ELOB: variants seen among roughly 807,000 people sequenced by gnomAD.
ELOB encodes elongin B.
Under a neutral mutation model 12.9 loss-of-function variants are expected in ELOB, and 3 were observed. The ratio of observed to expected loss-of-function variants is 0.23; its 90% CI spans 0.11 to 0.60. The LOEUF is 0.60. ELOB is among the 20% of genes least tolerant of loss of function. The pLI is 0.89. For synonymous variants in ELOB, 84 were observed against 67.4 expected (o/e 1.25, Z -1.21); for missense variants, 126 against 159.2 (o/e 0.79, Z 1.12).
At position 2,771,855 on chromosome 16, in the gene ELOB, G is replaced by A. The variant is rs909812403; in HGVS notation, c.*135C>T. On this transcript the variant is annotated 3_prime_UTR_variant, in exon 4 of 4. Transcript: ENST00000409906. ...GGATCTGGGAGACAGGACAGCACAG[G>A]AACTGCCAAGCACAAGCCCCAAAAG... 6 of 1,461,228 alleles carry A rather than the reference G, an allele frequency of 4.1e-6. No individual in the cohort carries two copies. The African/African-American group carries it at 4.3e-5, about 10-fold the overall frequency. 90.5% of individuals were successfully genotyped at this position (1,461,228 alleles called of 1,614,324 possible).
In ELOB at chr16:2,771,427, TGTTTATTAAAG is replaced by T; in HGVS notation, c.*552_*562del. On this transcript the variant is annotated 3_prime_UTR_variant, in exon 4 of 4. Coordinates refer to ENST00000409906, the MANE Select transcript of ELOB (RefSeq NM_007108.4). ...AAATGCAGGAACTGGGTCTGTAGAC[TGTTTATTAAAG>T]GTGTGTTAAGGGGGCAGCCACTTCC... The T allele has an allele frequency of 3.1e-6, 5 of 1,613,728 alleles. No individual in the cohort carries two copies. The highest frequency in any genetic ancestry group is 3.4e-6 in the Non-Finnish European group (4 of 1,179,678).
At position 2,777,107 on chromosome 16, in the gene ELOB, C is replaced by G; in HGVS notation, c.24G>C (p.Arg8=). The stretch of plus-strand genomic sequence containing the variant: ...CCGTGAAGATGGTGGTCTTGTGGCG[C>G]CGGATCATGAGGAACACGTCCTGGG... MDVFLMI[R]RHKTTIFTDA... is the part of the protein sequence containing the mutation. The change falls in exon 2 of 4, where the codon CGG becomes CGC. Residue 8 remains arginine, a synonymous_variant. Transcript: ENST00000409906. 6.3e-7 allele frequency: 1 copy of G among 1,589,942 alleles called. No homozygotes were observed. Among genetic ancestry groups the G allele is most frequent in the Non-Finnish European group, 8.5e-7 (1 of 1,170,136 alleles).
At chr16:2,773,265 C>T (rs3112685) in intron 3 of ELOB, among the ~76,000 whole-genome samples, 151,381 of 152,078 alleles carry the variant, frequency 1, 75,361 homozygotes, top group Middle Eastern at 1. Context: ...GGTGGGGTGC[C>T]CCAGCGCTAT....
intron 3 of ELOB, among the ~76,000 whole-genome samples, chr16:2,774,737 C>T (rs929280488): frequency 7.2e-5 from 11 of 152,170 alleles, no homozygotes; most frequent in African/African-American, 2.7e-4. Flanking sequence ...TTTTAAATCT[C>T]CCCTCCCTTT....
chr16:2,776,903 C>G (rs1567258081), intron 2 of ELOB, 90 bp downstream of exon 2: 1 of 1,446,756 alleles, frequency 6.9e-7, no homozygotes, highest in Non-Finnish European at 9.2e-7. Flanking sequence ...GCGTCGCCGG[C>G]CGCTACTGTT....
At chr16:2,773,010 C>T (rs1163479267) in intron 3 of ELOB, among the ~76,000 whole-genome samples, 1 of 152,228 alleles carries the variant, frequency 6.6e-6, no homozygotes, top group Non-Finnish European at 1.5e-5. Flanking sequence ...CATCCTGACA[C>T]TCTGGGCGTA....
chr16:2,775,013 C>T (rs1237398790), intron 3 of ELOB, among the ~76,000 whole-genome samples: 5 of 152,168 alleles, frequency 3.3e-5, no homozygotes, highest in Non-Finnish European at 5.9e-5. Context: ...TGTCTGACTC[C>T]AGCAAGGGCC....
In ELOB at chr16:2,771,582, TC is replaced by T; in HGVS notation, c.*407del. 6.2e-7 allele frequency: 1 copy of T among 1,614,028 alleles called. No homozygotes were observed. Among genetic ancestry groups the T allele is most frequent in the Non-Finnish European group, 8.5e-7 (1 of 1,179,996 alleles). On this transcript the variant is annotated 3_prime_UTR_variant, in exon 4 of 4. Transcript: ENST00000409906. ...CAGCTTGTGTTTCTGCTCTTGGCCA[TC>T]GTCTGGGAGTGGACATGCAGGCTAT...
intron 3 of ELOB, among the ~76,000 whole-genome samples, chr16:2,774,990 G>A (rs74788235): frequency 8.4e-4 from 128 of 152,248 alleles, no homozygotes; most frequent in African/African-American, 3.0e-3. Context: ...ACATAGCATA[G>A]AGCCTGGTAT....
At chr16:2,775,299 A>C (rs2068792398) in intron 3 of ELOB, 152 bp downstream of exon 3, 4 of 494,738 alleles carry the variant, frequency 8.1e-6, no homozygotes, top group Non-Finnish European at 1.4e-5. Context: ...TGAGGAAACA[A>C]ACACATTGTG....
intron 3 of ELOB, 26 bp from the exon 4 acceptor site, chr16:2,772,128 G>A (rs73496401): frequency 2.5e-5 from 39 of 1,567,980 alleles, no homozygotes; most frequent in Non-Finnish European, 3.2e-5. Flanking sequence ...CAGAGCTGCA[G>A]GGGGGTATTC....
At position 2,771,470 on chromosome 16, in the gene ELOB, G is replaced by A. The variant is rs2068746009; in HGVS notation, c.*520C>T. On this transcript the variant is annotated 3_prime_UTR_variant, in exon 4 of 4. Coordinates refer to ENST00000409906, the MANE Select transcript of ELOB (RefSeq NM_007108.4). ...TAAGGGGGCAGCCACTTCCCTCCGT[G>A]ATTACAGCCCCCAGCGTGGGTGGAC... 5 of 1,614,050 alleles carry A rather than the reference G, an allele frequency of 3.1e-6. No homozygotes were observed. In the South Asian group the frequency reaches 4.4e-5, roughly 14 times the overall value.
At chr16:2,775,680 C>T (rs1279847360) in intron 2 of ELOB, 124 bp from the exon 3 acceptor site, 2 of 632,630 alleles carry the variant, frequency 3.2e-6, no homozygotes, top group Non-Finnish European at 5.3e-6. Context: ...GGCCCAGGAC[C>T]ACCACGCTGC....
Position 2,771,444 on chromosome 16 carries a change from T to A in ELOB, c.*546A>T. 1 of 1,614,076 alleles carries A rather than the reference T, an allele frequency of 6.2e-7. No homozygotes were observed. The highest frequency in any genetic ancestry group is 1.1e-5 in the South Asian group (1 of 91,080). ...CTGTAGACTGTTTATTAAAGGTGTG[T>A]TAAGGGGGCAGCCACTTCCCTCCGT... is the stretch of plus-strand genomic sequence containing the variant. On this transcript the variant is annotated 3_prime_UTR_variant, in exon 4 of 4. Transcript: ENST00000409906.
At chr16:2,774,431 C>T (rs1440470485) in intron 3 of ELOB, among the ~76,000 whole-genome samples, 1 of 152,214 alleles carries the variant, frequency 6.6e-6, no homozygotes, top group Non-Finnish European at 1.5e-5. Flanking sequence ...AAGCCAGTCT[C>T]ATCACACCCC....
intron 2 of ELOB, 29 bp from the exon 3 acceptor site, chr16:2,775,585 G>C (rs752814231): frequency 1.9e-6 from 3 of 1,580,144 alleles, no homozygotes; most frequent in Non-Finnish European, 2.6e-6. Context: ...TCTTGGGAGA[G>C]GCCCTACATG....
In ELOB at chr16:2,772,188, G is replaced by C. The variant is rs1235698338; in HGVS notation, c.245-86C>G. 3 of 1,424,788 alleles carry C rather than the reference G, an allele frequency of 2.1e-6. No individual in the cohort carries two copies. The Admixed American group carries it at 8.3e-5, about 39-fold the overall frequency. The allele number at this position is 1,424,788 out of a possible 1,614,324, so 88.3% of individuals were successfully genotyped here. ...TGGTGTTCACGTGTGATCATCTGCAGCTTTGGGGATCTCCATGCGAACGCC... is the reference window on the plus strand; with the variant it reads ...TGGTGTTCACGTGTGATCATCTGCACCTTTGGGGATCTCCATGCGAACGCC... On this transcript the variant is annotated intron_variant, in intron 3 of 3. Coordinates refer to ENST00000409906, the MANE Select transcript of ELOB (RefSeq NM_007108.4).
intron 3 of ELOB, among the ~76,000 whole-genome samples, chr16:2,773,183 G>A (rs1322427124): frequency 6.6e-6 from 1 of 151,992 alleles, no homozygotes; most frequent in Non-Finnish European, 1.5e-5. Flanking sequence ...TTGGCTCAGG[G>A]TTCTCAACTG....
intron 2 of ELOB, among the ~76,000 whole-genome samples, chr16:2,776,707 T>G (rs1276694319): frequency 6.6e-6 from 1 of 152,226 alleles, no homozygotes; most frequent in South Asian, 2.1e-4. Flanking sequence ...AAGCCGAACC[T>G]CAATTTCGTC....
Sources: gnomAD v4.1 joint callset for allele counts (sites outside exome capture counted in the v4.1 genomes callset) on GRCh38, gnomAD v4.1.1 for gene constraint, MANE v1.5 for transcripts, NCBI Gene and HGNC (gene_info 2026-07-23, HGNC 2026-07-21) for gene names.